The following SLIT2 variants were observed in gnomAD, a reference collection of about 807,000 sequenced individuals.
SLIT2 encodes the protein slit homolog 2 protein.
In SLIT2, 41 loss-of-function variants were observed where a neutral mutation model predicts 185.7. That is an observed-to-expected ratio of 0.22 (90% CI 0.17 to 0.29). SLIT2 has a LOEUF of 0.29. Ranked by LOEUF, SLIT2 falls within the 10% of genes least tolerant of loss-of-function variation. The pLI is 1.00. For synonymous variants in SLIT2, 693 were observed against 680.2 expected (o/e 1.02, Z -0.29); for missense variants, 1,571 against 1,909.0 (o/e 0.82, Z 3.30).
chr4:20,396,648 G>A lies in SLIT2; in HGVS notation c.396-71104G>A, dbSNP rs1409343416. 2.0e-5 allele frequency among the ~76,000 whole-genome samples: 3 copies of A among 151,506 alleles called. No individual in the cohort carries two copies. The East Asian group carries it at 5.8e-4, about 29-fold the overall frequency. ...GAGAAAGAGCAATTCAGGGTCCTCT[G>A]AGTGTTCTCTTCATTGCGATACTCA... On this transcript the variant is annotated intron_variant, in intron 4 of 36. Coordinates refer to ENST00000504154, the MANE Select transcript of SLIT2 (RefSeq NM_004787.4).
At chr4:20,460,980 TTATTTATAACTAGG>T in intron 4 of SLIT2, among the ~76,000 whole-genome samples, 1 of 152,338 alleles carries the variant, frequency 6.6e-6, no homozygotes, top group African/African-American at 2.4e-5. Flanking sequence ...AATACAAACC[TTATTTATAACTAGG>T]TAAAACAATT....
rs368966345 is a variant in SLIT2, at chr4:20,299,846, T to C, written c.395+30965T>C. 2.8e-4 allele frequency among the ~76,000 whole-genome samples: 42 copies of C among 152,158 alleles called. 1 individual carries two copies. In the East Asian group the frequency reaches 3.1e-3, roughly 11 times the overall value. On this transcript the variant is annotated intron_variant, in intron 4 of 36. Transcript: ENST00000504154. ...ATAGGGCTCCGTAACAGATACTCTT[T>C]GCTAAAAATAATACAGTATTTTATA...
intron 4 of SLIT2, among the ~76,000 whole-genome samples, chr4:20,350,862 AC>A (rs1312741325): frequency 1.3e-5 from 2 of 152,128 alleles, no homozygotes; most frequent in Non-Finnish European, 2.9e-5. Context: ...TTCAACTTTT[AC>A]TTATAAAAGT....
chr4:20,310,812 CTG>C lies in SLIT2; in HGVS notation c.395+41932_395+41933del, dbSNP rs201718146. On this transcript the variant is annotated intron_variant, in intron 4 of 36. Coordinates refer to ENST00000504154, the MANE Select transcript of SLIT2 (RefSeq NM_004787.4). ...GAATGTGGCTATTATTATCTGTGTT[CTG>C]AGAGAGTTTATCACAGTATAGGTAA... is the stretch of plus-strand genomic sequence containing the variant. Among the ~76,000 whole-genome samples the C allele has an allele frequency of 5.9e-3, 893 of 152,256 alleles. 6 individuals carry two copies. The highest frequency in any genetic ancestry group is 0.02 in the African/African-American group (827 of 41,540).
At chr4:20,304,988 A>G (rs1397598146) in intron 4 of SLIT2, among the ~76,000 whole-genome samples, 4 of 152,218 alleles carry the variant, frequency 2.6e-5, no homozygotes, top group South Asian at 2.1e-4. Flanking sequence ...TCAAAGTACA[A>G]GATAAGTAGT....
chr4:20,379,161 G>A (rs554250578), intron 4 of SLIT2, among the ~76,000 whole-genome samples: 23 of 152,196 alleles, frequency 1.5e-4, no homozygotes, highest in African/African-American at 4.8e-4. Flanking sequence ...TGTGGGCTTT[G>A]GGTGATAGTG....
intron 4 of SLIT2, among the ~76,000 whole-genome samples, chr4:20,455,413 C>T (rs114819787): frequency 9.8e-4 from 149 of 152,188 alleles, no homozygotes; most frequent in African/African-American, 3.3e-3. Flanking sequence ...AATAAATGGA[C>T]TCTTATTACA....
At position 20,299,561 on chromosome 4, in the gene SLIT2, T is replaced by C. The variant is rs201820560; in HGVS notation, c.395+30680T>C. ...CTGATTTTCATGATTTCTTTTTCTA[T>C]AGAGAAAAATATAGCTGAGCAGATT... is the stretch of plus-strand genomic sequence containing the variant. On this transcript the variant is annotated intron_variant, in intron 4 of 36. Coordinates refer to ENST00000504154, the MANE Select transcript of SLIT2 (RefSeq NM_004787.4). Among the ~76,000 whole-genome samples the C allele has an allele frequency of 2.0e-5, 3 of 152,086 alleles. No homozygotes were observed. In the East Asian group the frequency reaches 5.8e-4, roughly 29 times the overall value.
At chr4:20,420,782 A>G (rs985143350) in intron 4 of SLIT2, among the ~76,000 whole-genome samples, 4 of 152,052 alleles carry the variant, frequency 2.6e-5, no homozygotes, top group Non-Finnish European at 5.9e-5. Flanking sequence ...TTTGATTTAG[A>G]TGAGGTAATG....
At chr4:20,587,324 C>G (rs1342936444) in intron 29 of SLIT2, among the ~76,000 whole-genome samples, 7 of 152,050 alleles carry the variant, frequency 4.6e-5, no homozygotes, top group African/African-American at 1.2e-4. Flanking sequence ...GGCCAAAAAT[C>G]AAATCATTTT....
chr4:20,267,794 T>C (rs1441532768), intron 3 of SLIT2, among the ~76,000 whole-genome samples: 1 of 151,818 alleles, frequency 6.6e-6, no homozygotes, highest in East Asian at 1.9e-4. Flanking sequence ...CTTTTACTAT[T>C]TATCTTTAAA....
At chr4:20,269,935 C>T (rs1388977309) in intron 4 of SLIT2, among the ~76,000 whole-genome samples, 3 of 151,814 alleles carry the variant, frequency 2.0e-5, no homozygotes, top group Non-Finnish European at 2.9e-5. Context: ...GGGAGATATT[C>T]CCCAGCTGAC....
At chr4:20,293,161 A>G (rs1716134212) in intron 4 of SLIT2, among the ~76,000 whole-genome samples, 1 of 152,246 alleles carries the variant, frequency 6.6e-6, no homozygotes, top group African/African-American at 2.4e-5. Context: ...GTATTAGGTT[A>G]AGGAAGGAAA....
chr4:20,273,246 T>C (rs1229233997), intron 4 of SLIT2, among the ~76,000 whole-genome samples: 2 of 152,026 alleles, frequency 1.3e-5, no homozygotes, highest in Non-Finnish European at 2.9e-5. Context: ...AAAAAAGATC[T>C]AGGAAATTCA....
chr4:20,597,032 G>A (rs553496349), intron 32 of SLIT2, among the ~76,000 whole-genome samples: 1 of 151,518 alleles, frequency 6.6e-6, no homozygotes, highest in African/African-American at 2.4e-5. Flanking sequence ...AAGAACACCT[G>A]GATTCAACCA....
At chr4:20,380,350 C>T (rs1446519284) in intron 4 of SLIT2, among the ~76,000 whole-genome samples, 1 of 152,006 alleles carries the variant, frequency 6.6e-6, no homozygotes, top group South Asian at 2.1e-4. Flanking sequence ...CAAAAGTCCC[C>T]AAACCAACAT....
Position 20,296,637 on chromosome 4 carries a change from G to T in SLIT2, c.395+27756G>T, listed in dbSNP as rs150851742. Among the ~76,000 whole-genome samples the T allele has an allele frequency of 1.4e-3, 218 of 152,228 alleles. 2 individuals carry two copies. In the East Asian group the frequency reaches 0.036, roughly 25 times the overall value. Reference sequence around the variant, plus strand: ...CCTTCCAATTTTTATTAAATGCTTGGCGTCATGGATGTAAACAGTATTGTG... The same window carrying T: ...CCTTCCAATTTTTATTAAATGCTTGTCGTCATGGATGTAAACAGTATTGTG... On this transcript the variant is annotated intron_variant, in intron 4 of 36. Transcript: ENST00000504154.
rs2292440 is a variant in SLIT2, at chr4:20,541,280, A to G, written c.1977-173A>G. Among the ~76,000 whole-genome samples the G allele has an allele frequency of 3.5e-3, 529 of 152,136 alleles. 12 individuals are homozygous for G. The South Asian group carries it at 0.06, about 17-fold the overall frequency. ...TCCAAGCATAAATATTTTATCAAAAAAAAAATGCATCTCATATACTGCATG... is the reference window on the plus strand; with the variant it reads ...TCCAAGCATAAATATTTTATCAAAAGAAAAATGCATCTCATATACTGCATG... On this transcript the variant is annotated intron_variant, in intron 19 of 36. Transcript: ENST00000504154.
rs186402125 is a variant in SLIT2 at position 20,464,988 on chromosome 4, G to A, written c.396-2764G>A. Among the ~76,000 whole-genome samples, 272 of 152,206 alleles carry A rather than the reference G, an allele frequency of 1.8e-3. 3 individuals are homozygous for A. Among genetic ancestry groups the A allele is most frequent in the South Asian group, 0.018 (86 of 4,832 alleles). On this transcript the variant is annotated intron_variant, in intron 4 of 36. Transcript: ENST00000504154. ...GTAGATATTAAATAACAGTATGTTG[G>A]ATTGCAATAACTGCTAACCTTCAGT...
Sources: allele counts gnomAD v4.1 joint callset (sites outside exome capture counted in the v4.1 genomes callset), GRCh38; gene constraint gnomAD v4.1.1; transcripts MANE v1.5; gene names NCBI Gene and HGNC (gene_info 2026-07-23, HGNC 2026-07-21).